Variants in NDUFS6 observed in about 807,000 individuals in gnomAD.
NDUFS6 encodes the protein NADH dehydrogenase [ubiquinone] iron-sulfur protein 6, mitochondrial.
NDUFS6 carries 14 observed loss-of-function variants against 13.2 expected under a neutral mutation model. That is an observed-to-expected ratio of 1.06 (90% CI 0.70 to 1.66). The LOEUF (loss-of-function observed/expected upper bound fraction) is 1.66, where lower values mean the gene tolerates loss of function less well. Ranked by LOEUF, NDUFS6 falls within the 40% of genes most tolerant of loss-of-function variation. The probability of loss-of-function intolerance (pLI) is 0.00; values close to 1 mark genes in which losing one functional copy is unlikely to be tolerated. For synonymous variants in NDUFS6, 95 were observed against 72.3 expected, an observed-to-expected ratio of 1.31 and a Z score of -1.60; for missense variants, 206 against 170.8, an observed-to-expected ratio of 1.21 and a Z score of -1.15.
chr5:1,803,876 T>C (rs185256353), intron 2 of NDUFS6, among the ~76,000 whole-genome samples: 1 of 152,354 alleles, frequency 6.6e-6, no homozygotes. Flanking sequence ...AACCGATGGA[T>C]GTTGAAAGGA....
intron 2 of NDUFS6, among the ~76,000 whole-genome samples, chr5:1,813,324 T>C (rs1734249238): frequency 6.6e-6 from 1 of 152,250 alleles, no homozygotes; most frequent in South Asian, 2.1e-4. Context: ...TTTAAAAGTT[T>C]AGTTTTCTAA....
Position 1,810,163 on chromosome 5 carries a change from G to A in NDUFS6, c.187-4176G>A, listed in dbSNP as rs528432104. ...TGACTTTGTGATGAGCCCTGTTGCT[G>A]CTTCCACTCTGGGGCGGGGACGCTG... is the stretch of plus-strand genomic sequence containing the variant. On this transcript the variant is annotated intron_variant, in intron 2 of 3. Coordinates refer to ENST00000274137, the MANE Select transcript of NDUFS6 (RefSeq NM_004553.6). Among the ~76,000 whole-genome samples, 4 of 152,380 alleles carry A rather than the reference G, an allele frequency of 2.6e-5. No individual in the cohort carries two copies. In the East Asian group the frequency reaches 7.7e-4, roughly 29 times the overall value.
chr5:1,815,567 G>A (rs1734295330), intron 3 of NDUFS6, among the ~76,000 whole-genome samples: 1 of 152,210 alleles, frequency 6.6e-6, no homozygotes, highest in African/African-American at 2.4e-5. Context: ...AGCACCCACC[G>A]CCTGCTCCAG....
intron 2 of NDUFS6, among the ~76,000 whole-genome samples, chr5:1,807,246 C>T (rs1041171489): frequency 5.7e-5 from 8 of 140,080 alleles, no homozygotes; most frequent in African/African-American, 1.6e-4. Context: ...ACAGTCGCTT[C>T]TTAGAGGTAG....
At chr5:1,815,825 A>G in intron 3 of NDUFS6, 26 bp from the exon 4 acceptor site, 1 of 1,606,052 alleles carries the variant, frequency 6.2e-7, no homozygotes, top group Non-Finnish European at 8.5e-7. Context: ...TGGAAATATG[A>G]CATCATTCCT....
intron 2 of NDUFS6, among the ~76,000 whole-genome samples, chr5:1,809,834 G>A (rs1264938829): frequency 6.6e-6 from 1 of 152,174 alleles, no homozygotes; most frequent in African/African-American, 2.4e-5. Flanking sequence ...GCGACAAGGC[G>A]AGCCGCCGGG....
At chr5:1,815,742 TA>T in intron 3 of NDUFS6, 108 bp from the exon 4 acceptor site, 1 of 1,101,310 alleles carries the variant, frequency 9.1e-7, no homozygotes, top group African/African-American at 1.6e-5. Flanking sequence ...AGTAACTGCG[TA>T]TTTTTGTTTC....
At chr5:1,803,293 G>T (rs1376649028) in intron 2 of NDUFS6, among the ~76,000 whole-genome samples, 1 of 152,168 alleles carries the variant, frequency 6.6e-6, no homozygotes, top group South Asian at 2.1e-4. Flanking sequence ...TGGTTTGATG[G>T]GTGGGTGTCA....
intron 2 of NDUFS6, among the ~76,000 whole-genome samples, chr5:1,806,799 A>C (rs1378093884): frequency 6.6e-6 from 1 of 152,198 alleles, no homozygotes; most frequent in Non-Finnish European, 1.5e-5. Flanking sequence ...CAGCGGTTCC[A>C]CTTCTGAGCG....
At chr5:1,808,922 A>G (rs959089318) in intron 2 of NDUFS6, among the ~76,000 whole-genome samples, 4 of 152,176 alleles carry the variant, frequency 2.6e-5, no homozygotes, top group Non-Finnish European at 4.4e-5. Context: ...TTTATTTTAA[A>G]CTTTTATTTT....
intron 1 of NDUFS6, 142 bp downstream of exon 1, chr5:1,801,691 CG>C: frequency 7.7e-7 from 1 of 1,293,646 alleles, no homozygotes; most frequent in Non-Finnish European, 1.0e-6. Context: ...GCTCACGCGC[CG>C]GGGAGGACGC....
chr5:1,813,541 C>CCA (rs1165126429), intron 2 of NDUFS6, among the ~76,000 whole-genome samples: 1 of 152,160 alleles, frequency 6.6e-6, no homozygotes, highest in African/African-American at 2.4e-5. Context: ...GTCCACTTAC[C>CCA]CACTGCCTGG....
At position 1,809,598 on chromosome 5, in the gene NDUFS6, C is replaced by T. The variant is rs541743893; in HGVS notation, c.187-4741C>T. 4.7e-4 allele frequency among the ~76,000 whole-genome samples: 72 copies of T among 152,358 alleles called. 1 individual carries two copies. Among genetic ancestry groups the T allele is most frequent in the African/African-American group, 1.6e-3 (66 of 41,594 alleles). On this transcript the variant is annotated intron_variant, in intron 2 of 3. Coordinates refer to ENST00000274137, the MANE Select transcript of NDUFS6 (RefSeq NM_004553.6). ...TGACGGGAGGGCATCCCGCGTCAGT[C>T]GCCAGTGTCGAGGCGTCAGCAGCCC...
intron 2 of NDUFS6, among the ~76,000 whole-genome samples, chr5:1,803,001 T>A (rs547888590): frequency 6.6e-6 from 1 of 152,178 alleles, no homozygotes. Context: ...GCCTCCATGA[T>A]TCCTGAATTT....
In NDUFS6 at chr5:1,814,621, C is replaced by T; in HGVS notation, c.309+160C>T. 3.7e-6 allele frequency: 4 copies of T among 1,072,590 alleles called. No homozygotes were observed. The highest frequency in any genetic ancestry group is 1.3e-5 in the South Asian group (1 of 75,164). 66.4% of individuals were successfully genotyped at this position (1,072,590 alleles called of 1,614,324 possible). On this transcript the variant is annotated intron_variant, in intron 3 of 3. Transcript: ENST00000274137. This position sits in a 1 kb window ranked among gnomAD's most constrained non-coding sequence, Gnocchi z 4.9. ...GGCACATTCACCCTACAGCGCCACACTACAGGGCCTACATAGAGCCGCCTG... is the reference window on the plus strand; with the variant it reads ...GGCACATTCACCCTACAGCGCCACATTACAGGGCCTACATAGAGCCGCCTG...
At position 1,814,407 on chromosome 5, in the gene NDUFS6, AGCGTGCGATG is replaced by A; in HGVS notation, c.259_268del (p.Cys87AlafsTer12). ...TGAGCGAGGTGGAGACTCGGGTGAT[AGCGTGCGATG>A]GCGGCGGGGGAGCTCTTGGCCACCC... On this transcript the variant is annotated frameshift_variant, in exon 3 of 4. Coordinates refer to ENST00000274137, the MANE Select transcript of NDUFS6 (RefSeq NM_004553.6). LOFTEE classifies it high-confidence loss of function. This position sits in a 1 kb window ranked among gnomAD's most constrained non-coding sequence, Gnocchi z 4.9. 6.2e-7 allele frequency: 1 copy of A among 1,614,112 alleles called. No homozygotes were observed. The highest frequency in any genetic ancestry group is 1.1e-5 in the South Asian group (1 of 91,082).
rs373753694 is a variant in NDUFS6, at chr5:1,815,934, G to A, written c.*18G>A. On this transcript the variant is annotated 3_prime_UTR_variant, in exon 4 of 4. Coordinates refer to ENST00000274137, the MANE Select transcript of NDUFS6 (RefSeq NM_004553.6). ...ACCACTAGAGCGTGTGGCACGCCGG[G>A]GGTCCCGCAGCATCCTGTGAGCATT... 44 of 1,614,028 alleles carry A rather than the reference G, an allele frequency of 2.7e-5. No homozygotes were observed. The African/African-American group carries it at 5.5e-4, about 20-fold the overall frequency.
rs1424078569 is a variant in NDUFS6, at chr5:1,802,389, T to A, written c.186+15T>A. 1.2e-6 allele frequency: 2 copies of A among 1,610,204 alleles called. No individual in the cohort carries two copies. The highest frequency in any genetic ancestry group is 1.7e-6 in the Non-Finnish European group (2 of 1,176,670). ...GTCAGAAAGAGGTGAGTAAAAAATC[T>A]AGTGAAGAGAGGTAAGCTTTCCTAA... On this transcript the variant is annotated intron_variant, in intron 2 of 3. Coordinates refer to ENST00000274137, the MANE Select transcript of NDUFS6 (RefSeq NM_004553.6).
intron 2 of NDUFS6, among the ~76,000 whole-genome samples, chr5:1,803,135 T>C (rs1409661114): frequency 1.3e-5 from 2 of 152,202 alleles, no homozygotes; most frequent in African/African-American, 2.4e-5. Flanking sequence ...TATTTTCCCT[T>C]CTCCTTCAAT....
Sources: gnomAD v4.1 joint callset for allele counts (sites outside exome capture counted in the v4.1 genomes callset) on GRCh38, gnomAD v4.1.1 for gene constraint, Gnocchi (gnomAD v3.1) non-coding constraint, MANE v1.5 for transcripts, NCBI Gene and HGNC (gene_info 2026-07-23, HGNC 2026-07-21) for gene names.